Variants in BCAS3 observed in about 807,000 individuals in gnomAD.
BCAS3 encodes BCAS4/BCAS3 fusion.
A neutral mutation model predicts 116.1 loss-of-function variants in BCAS3; 53 were observed. That is an observed-to-expected ratio of 0.46 (90% CI 0.37 to 0.57). The LOEUF is 0.57. Among genes scored for constraint, BCAS3 ranks in the 20% least tolerant of loss-of-function variants. The pLI, the probability that BCAS3 is intolerant of heterozygous loss-of-function variation, is 0.00. For synonymous variants in BCAS3, 391 were observed against 408.2 expected, an observed-to-expected ratio of 0.96 and a Z score of 0.51; for missense variants, 917 against 1,165.4, an observed-to-expected ratio of 0.79 and a Z score of 3.10.
chr17:60,816,763 GA>G (rs2049460649), intron 7 of BCAS3, among the ~76,000 whole-genome samples: 1 of 152,164 alleles, frequency 6.6e-6, no homozygotes, highest in Non-Finnish European at 1.5e-5. Context: ...TGTTATGTCT[GA>G]AGAACAAAGA....
rs200943686 is a variant in BCAS3, at chr17:61,343,857, C to T, written c.2426-24470C>T. Among the ~76,000 whole-genome samples, 1 of 152,226 alleles carries T rather than the reference C, an allele frequency of 6.6e-6. No homozygotes were observed. Among genetic ancestry groups the T allele is most frequent in the Admixed American group, 6.5e-5 (1 of 15,286 alleles). The stretch of plus-strand genomic sequence containing the variant: ...TTCTTTGCTCAGTTCTGCTCTGCAG[C>T]CCCCATGGCGACACCCTCTCTCTTT... On this transcript the variant is annotated intron_variant, in intron 22 of 23. Transcript: ENST00000407086. This position sits in a 1 kb window ranked among gnomAD's most constrained non-coding sequence, Gnocchi z 5.5.
rs773431290 is a variant in BCAS3 at position 61,380,676 on chromosome 17, A to T, written c.2594-11301A>T. 921 of 1,067,826 alleles carry T rather than the reference A, an allele frequency of 8.6e-4. 1 individual carries two copies. Among genetic ancestry groups the T allele is most frequent in the Non-Finnish European group, 1.2e-3 (835 of 719,572 alleles). 66.1% of individuals were successfully genotyped at this position (1,067,826 alleles called of 1,614,324 possible). A position where few individuals can be genotyped will look rare whatever the true frequency, so the allele number is the denominator to read the frequency against. On this transcript the variant is annotated intron_variant, in intron 23 of 23. Coordinates refer to ENST00000407086, the MANE Select transcript of BCAS3 (RefSeq NM_017679.5). This position sits in a 1 kb window ranked among gnomAD's most constrained non-coding sequence, Gnocchi z 4.2. ...CCCCCTCGTGCCCAGGCCCAGGAGC[A>T]CTCTAGGGAGGGCAGGGGTCAGCTC...
intron 15 of BCAS3, among the ~76,000 whole-genome samples, chr17:60,998,792 T>G (rs2064018510): frequency 6.6e-6 from 1 of 152,216 alleles, no homozygotes; most frequent in South Asian, 2.1e-4. Context: ...CTGTTTACTC[T>G]GTTGATAGTC....
rs2082575520 is a variant in BCAS3 at position 61,229,982 on chromosome 17, G to A, written c.2426-138345G>A. Among the ~76,000 whole-genome samples the A allele has an allele frequency of 6.6e-6, 1 of 152,244 alleles. No individual in the cohort carries two copies. The highest frequency in any genetic ancestry group is 2.1e-4 in the South Asian group (1 of 4,822). ...TCTACCGAAAATACAAAAATTAGCC[G>A]GGCGTGGTAGCACGTGCCTATAGTC... On this transcript the variant is annotated intron_variant, in intron 22 of 23. Coordinates refer to ENST00000407086, the MANE Select transcript of BCAS3 (RefSeq NM_017679.5). This position sits in a 1 kb window ranked among gnomAD's most constrained non-coding sequence, Gnocchi z 4.4.
Position 61,380,309 on chromosome 17 carries a change from G to A in BCAS3, c.2594-11668G>A, listed in dbSNP as rs1812920048. ...GGGGAGGAGGGAGAGAGGGAAGGAT[G>A]ATACCAGTTTAGGCTAGTGAGAAAT... On this transcript the variant is annotated intron_variant, in intron 23 of 23. Transcript: ENST00000407086. The surrounding 1 kb of genome is among the most constrained non-coding windows in gnomAD (Gnocchi z 4.2). 1 of 603,988 alleles carries A rather than the reference G, an allele frequency of 1.7e-6. No homozygotes were observed. The highest frequency in any genetic ancestry group is 2.7e-5 in the Admixed American group (1 of 37,134). 37.4% of individuals were successfully genotyped at this position (603,988 alleles called of 1,614,324 possible).
intron 6 of BCAS3, among the ~76,000 whole-genome samples, chr17:60,803,779 C>T (rs572879996): frequency 6.8e-5 from 10 of 146,214 alleles, no homozygotes; most frequent in Admixed American, 4.1e-4. Context: ...TTTTCCCTCT[C>T]ATAAGTAACT....
chr17:60,760,059 G>A (rs1018339241), intron 6 of BCAS3, among the ~76,000 whole-genome samples: 1 of 152,114 alleles, frequency 6.6e-6, no homozygotes, highest in Non-Finnish European at 1.5e-5. Context: ...TTTACTTTGA[G>A]CCTATGTATG....
chr17:61,057,556 C>T (rs551029943), intron 19 of BCAS3, among the ~76,000 whole-genome samples: 1 of 152,156 alleles, frequency 6.6e-6, no homozygotes. Context: ...TTGGGGAGAT[C>T]CCTGCCCTAG....
chr17:61,154,736 G>A (rs188861379), intron 22 of BCAS3, among the ~76,000 whole-genome samples: 1 of 152,234 alleles, frequency 6.6e-6, no homozygotes, highest in Admixed American at 6.5e-5. Context: ...GAGCCACCGC[G>A]CCCAGCCTCA....
chr17:60,822,287 A>G (rs1212491324), intron 7 of BCAS3, among the ~76,000 whole-genome samples: 2 of 152,172 alleles, frequency 1.3e-5, no homozygotes, highest in South Asian at 2.1e-4. Context: ...TATTTTAGCT[A>G]TTTTAATAAA....
rs923593826 is a variant in BCAS3, at chr17:61,161,710, G to A, written c.2425+77146G>A. ...TTGCTGGTGGAGGGGAGTAGCCAGC[G>A]CCCCTCCCCTCAGCACACATACCAG... On this transcript the variant is annotated intron_variant, in intron 22 of 23. Transcript: ENST00000407086. This position sits in a 1 kb window ranked among gnomAD's most constrained non-coding sequence, Gnocchi z 4.8. Among the ~76,000 whole-genome samples the A allele has an allele frequency of 4.6e-5, 7 of 152,046 alleles. No homozygotes were observed. The highest frequency in any genetic ancestry group is 1.0e-4 in the Non-Finnish European group (7 of 68,008).
At chr17:61,295,949 C>T (rs1164294387) in intron 22 of BCAS3, among the ~76,000 whole-genome samples, 37 of 143,912 alleles carry the variant, frequency 2.6e-4, no homozygotes, top group Middle Eastern at 7.0e-3. Flanking sequence ...AGCAAGACTC[C>T]GTCTCAAAAA....
rs150199091 is a variant in BCAS3 at position 61,234,200 on chromosome 17, A to G, written c.2426-134127A>G. On this transcript the variant is annotated intron_variant, in intron 22 of 23. Coordinates refer to ENST00000407086, the MANE Select transcript of BCAS3 (RefSeq NM_017679.5). ...ATGCAGAATGGGGAAGTAAATGATA[A>G]ATCTGCAACCATTAGTGCTCACTTT... 2.0e-3 allele frequency among the ~76,000 whole-genome samples: 299 copies of G among 152,230 alleles called. 1 individual carries two copies. Among genetic ancestry groups the G allele is most frequent in the African/African-American group, 6.6e-3 (275 of 41,552 alleles).
At chr17:60,976,282 C>A (rs1308029761) in intron 14 of BCAS3, among the ~76,000 whole-genome samples, 1 of 151,506 alleles carries the variant, frequency 6.6e-6, no homozygotes, top group East Asian at 1.9e-4. Flanking sequence ...CCTCGGCCTG[C>A]CAAAGTGCTG....
intron 22 of BCAS3, among the ~76,000 whole-genome samples, chr17:61,345,876 A>C (rs1014544664): frequency 5.3e-5 from 8 of 152,140 alleles, no homozygotes; most frequent in African/African-American, 1.9e-4. Flanking sequence ...AGTGAGTGGG[A>C]GAGACAAATA....
In BCAS3 at chr17:61,032,841, G is replaced by A. The variant is rs1039820831; in HGVS notation, c.1638-1825G>A. Among the ~76,000 whole-genome samples the A allele has an allele frequency of 1.3e-5, 2 of 152,118 alleles. No homozygotes were observed. The highest frequency in any genetic ancestry group is 2.4e-5 in the African/African-American group (1 of 41,432). On this transcript the variant is annotated intron_variant, in intron 16 of 23. Coordinates refer to ENST00000407086, the MANE Select transcript of BCAS3 (RefSeq NM_017679.5). The surrounding 1 kb of genome is among the most constrained non-coding windows in gnomAD (Gnocchi z 4.6). ...TTAGGCATGGATGTTTTTTGTTGCA[G>A]GAATAATGAGAAGTGTTTTAAGAAA...
chr17:61,018,642 A>G (rs1337366481), intron 16 of BCAS3, among the ~76,000 whole-genome samples: 1 of 151,842 alleles, frequency 6.6e-6, no homozygotes, highest in Non-Finnish European at 1.5e-5. Flanking sequence ...TATCATTCAT[A>G]TTCTCTCCCT....
intron 7 of BCAS3, among the ~76,000 whole-genome samples, chr17:60,838,158 A>G (rs1289938141): frequency 6.6e-6 from 1 of 152,176 alleles, no homozygotes; most frequent in Non-Finnish European, 1.5e-5. Flanking sequence ...ATGGAATTAA[A>G]TGAGAGACTG....
intron 23 of BCAS3, among the ~76,000 whole-genome samples, chr17:61,386,796 GTTTTTTTTTT>G (rs57275173): frequency 8.8e-6 from 1 of 113,842 alleles, no homozygotes; most frequent in African/African-American, 2.9e-5. Flanking sequence ...TTTGTTTTTT[GTTTTTTTTTT>G]TTTTTTTGAG....
Sources: gnomAD v4.1 joint callset for allele counts (sites outside exome capture counted in the v4.1 genomes callset) on GRCh38, gnomAD v4.1.1 for gene constraint, Gnocchi (gnomAD v3.1) non-coding constraint, MANE v1.5 for transcripts, NCBI Gene and HGNC (gene_info 2026-07-23, HGNC 2026-07-21) for gene names.